The following CELF2 variants were observed in gnomAD, a reference collection of about 807,000 sequenced individuals.
CELF2 encodes the protein CUGBP Elav-like family member 2.
In CELF2, 8 loss-of-function variants were observed where a neutral mutation model predicts 62.6. The ratio of observed to expected loss-of-function variants is 0.13; its 90% confidence interval spans 0.07 to 0.23. The LOEUF (loss-of-function observed/expected upper bound fraction) is 0.23. CELF2 is among the 10% of genes least tolerant of loss of function. The probability of loss-of-function intolerance (pLI) is 1.00; values close to 1 mark genes in which losing one functional copy is unlikely to be tolerated. For missense variants in CELF2, 333 were observed against 671.0 expected (o/e 0.50, Z 5.56); for synonymous variants, 258 against 250.0 (o/e 1.03, Z -0.30).
the CELF2 span, among the ~76,000 whole-genome samples, chr10:10,533,858 C>T: frequency 6.6e-6 from 1 of 152,156 alleles, no homozygotes; most frequent in African/African-American, 2.4e-5. Context: ...ACACAGATAT[C>T]TACTTGGAAG....
intron 2 of CELF2, among the ~76,000 whole-genome samples, chr10:11,172,832 C>T (rs1565080176): frequency 6.6e-6 from 1 of 152,204 alleles, no homozygotes; most frequent in South Asian, 2.1e-4. Context: ...AGTCCCCAGT[C>T]GTCTTTTCCC....
At chr10:10,797,869 G>A (rs1358347305), upstream of CELF2, among the ~76,000 whole-genome samples, 1 of 152,146 alleles carries the variant, frequency 6.6e-6, no homozygotes, top group Non-Finnish European at 1.5e-5. Flanking sequence ...GACAAACTAT[G>A]AACAAACAGT....
chr10:10,815,727 C>G (rs2056393781), intron 1 of CELF2, among the ~76,000 whole-genome samples: 1 of 152,020 alleles, frequency 6.6e-6, no homozygotes, highest in Non-Finnish European at 1.5e-5. Flanking sequence ...GCTTCCTTGT[C>G]TTTTGCATAC....
At chr10:10,773,112 A>G in the CELF2 span, among the ~76,000 whole-genome samples, 3 of 152,204 alleles carry the variant, frequency 2.0e-5, no homozygotes, top group Non-Finnish European at 2.9e-5. Flanking sequence ...TTGGAATAAC[A>G]TTATATAGGA....
intron 2 of CELF2, among the ~76,000 whole-genome samples, chr10:11,197,034 A>G (rs2895467): frequency 5.2e-4 from 21 of 40,300 alleles, no homozygotes; most frequent in African/African-American, 3.8e-3. Flanking sequence ...GAAAAGAAAG[A>G]AAGAAAGAAA....
chr10:10,733,101 A>G, the CELF2 span, among the ~76,000 whole-genome samples: 5 of 152,162 alleles, frequency 3.3e-5, no homozygotes, highest in Non-Finnish European at 5.9e-5. Flanking sequence ...CTAACAGTCA[A>G]TCAAGCAATG....
intron 1 of CELF2, among the ~76,000 whole-genome samples, chr10:11,031,288 C>T (rs1642460169): frequency 6.6e-6 from 1 of 152,158 alleles, no homozygotes; most frequent in African/African-American, 2.4e-5. Context: ...AAATGAGCCT[C>T]TATGCAGGAT....
rs1168932032 is a variant in CELF2 at position 11,086,578 on chromosome 10, TAAAAAAAAAAA to T, written c.74+68437_74+68447del. 3.2e-3 allele frequency among the ~76,000 whole-genome samples: 233 copies of T among 71,994 alleles called. 2 individuals are homozygous for T. The highest frequency in any genetic ancestry group is 0.011 in the African/African-American group (194 of 18,246). 47.2% of individuals were successfully genotyped at this position (71,994 alleles called of 152,430 possible). ...AATCCATGTCTCCATTTGCATTTGT[TAAAAAAAAAAA>T]AAAAAAAAAAAAAAAAAAAAACTCC... On this transcript the variant is annotated intron_variant, in intron 1 of 12. Coordinates refer to ENST00000633077, the MANE Select transcript of CELF2 (RefSeq NM_001326342.2).
chr10:11,209,496 ATTTTGTCATTGCCTTT>A (rs1565315320), intron 2 of CELF2, among the ~76,000 whole-genome samples: 1 of 149,486 alleles, frequency 6.7e-6, no homozygotes, highest in East Asian at 2.0e-4. Flanking sequence ...TAAGAATGTC[ATTTTGTCATTGCCTTT>A]TGCCTCAAGA....
chr10:10,596,202 T>A, the CELF2 span, among the ~76,000 whole-genome samples: 1 of 151,930 alleles, frequency 6.6e-6, no homozygotes, highest in African/African-American at 2.4e-5. Context: ...AGGGTTGAAC[T>A]TGGTGAGAAA....
At chr10:11,274,756 G>T (rs1276597375) in intron 7 of CELF2, among the ~76,000 whole-genome samples, 2 of 152,244 alleles carry the variant, frequency 1.3e-5, no homozygotes, top group Non-Finnish European at 2.9e-5. Context: ...AGACTACAGA[G>T]AGAGATAATT....
intron 2 of CELF2, among the ~76,000 whole-genome samples, chr10:10,942,609 C>G (rs1476183283): frequency 6.6e-6 from 1 of 152,170 alleles, no homozygotes; most frequent in African/African-American, 2.4e-5. Context: ...GACATGCCAT[C>G]CCTGTTACTG....
intron 9 of CELF2, among the ~76,000 whole-genome samples, chr10:11,303,406 T>C (rs756572463): frequency 6.6e-6 from 1 of 152,212 alleles, no homozygotes; most frequent in African/African-American, 2.4e-5. Context: ...GTCGCCACTC[T>C]GGGGAAGAAG....
At chr10:10,982,772 T>A (rs2052296030) in intron 2 of CELF2, among the ~76,000 whole-genome samples, 1 of 152,242 alleles carries the variant, frequency 6.6e-6, no homozygotes, top group South Asian at 2.1e-4. Flanking sequence ...ATGTTAAGTC[T>A]AATTAATTTA....
At chr10:10,877,838 C>T (rs890310944) in intron 1 of CELF2, among the ~76,000 whole-genome samples, 1 of 152,186 alleles carries the variant, frequency 6.6e-6, no homozygotes. Flanking sequence ...AATAATTCTA[C>T]TTCGTGCCTG....
intron 1 of CELF2, among the ~76,000 whole-genome samples, chr10:11,025,743 A>G (rs2059095801): frequency 6.6e-6 from 1 of 152,228 alleles, no homozygotes; most frequent in South Asian, 2.1e-4. Context: ...GATTATTACC[A>G]TTGTAACTGA....
intron 1 of CELF2, among the ~76,000 whole-genome samples, chr10:10,899,201 A>T (rs1341007092): frequency 6.6e-6 from 1 of 152,204 alleles, no homozygotes; most frequent in Admixed American, 6.5e-5. Context: ...TTAAACACAA[A>T]ATAAGTGAAA....
rs553354499 is a variant in CELF2, at chr10:11,267,070, G to A, written c.618+393G>A. On this transcript the variant is annotated intron_variant, in intron 6 of 12. Transcript: ENST00000633077. The surrounding 1 kb of genome is among the most constrained non-coding windows in gnomAD (Gnocchi z 4.4). Reference sequence around the variant, plus strand: ...TAACAGCCTCCCACCCCAAATTACTGCTTGCCCTGTGCTAAGTCCCAGGGT... The same window carrying A: ...TAACAGCCTCCCACCCCAAATTACTACTTGCCCTGTGCTAAGTCCCAGGGT... 3.0e-4 allele frequency among the ~76,000 whole-genome samples: 45 copies of A among 152,186 alleles called. No individual in the cohort carries two copies. The highest frequency in any genetic ancestry group is 5.7e-4 in the Non-Finnish European group (39 of 68,020).
intron 1 of CELF2, among the ~76,000 whole-genome samples, chr10:11,025,235 G>GTATATATATA (rs1353413938): frequency 4.8e-3 from 199 of 41,130 alleles, no homozygotes; most frequent in Middle Eastern, 0.02. Context: ...GTGTGTGTGT[G>GTATATATATA]TGTGTATATG....
Sources: gnomAD v4.1 joint callset for allele counts (sites outside exome capture counted in the v4.1 genomes callset) on GRCh38, gnomAD v4.1.1 for gene constraint, Gnocchi (gnomAD v3.1) non-coding constraint, MANE v1.5 for transcripts, NCBI Gene and HGNC (gene_info 2026-07-23, HGNC 2026-07-21) for gene names.